ARHGEF10: variants seen among roughly 807,000 people sequenced by gnomAD.
ARHGEF10 encodes Rho guanine nucleotide exchange factor (GEF) 10.
In ARHGEF10, 140 loss-of-function variants were observed where a neutral mutation model predicts 147.4. The ratio of observed to expected loss-of-function variants is 0.95; its 90% CI spans 0.83 to 1.09. ARHGEF10 has a LOEUF of 1.09. Among genes scored for constraint, ARHGEF10 ranks in the 50% least tolerant of loss-of-function variants. ARHGEF10 has a pLI of 0.00. For missense variants in ARHGEF10, 2,222 were observed against 1,752.7 expected, an observed-to-expected ratio of 1.27 and a Z score of -4.78; for synonymous variants, 902 against 695.8, an observed-to-expected ratio of 1.30 and a Z score of -4.67.
chr8:1,866,399 AG>A, intron 5 of ARHGEF10, 126 bp from the exon 6 acceptor site: 1 of 813,318 alleles, frequency 1.2e-6, no homozygotes, highest in Non-Finnish European at 2.1e-6. Context: ...TTTCCTGTAT[AG>A]TAACATATAT....
chr8:1,912,930 G>A (rs999239617), intron 18 of ARHGEF10, among the ~76,000 whole-genome samples: 1 of 152,332 alleles, frequency 6.6e-6, no homozygotes, highest in Non-Finnish European at 1.5e-5. Context: ...CAGCGTCTTT[G>A]TTGGTGCACT....
intron 5 of ARHGEF10, 110 bp downstream of exon 5, chr8:1,864,546 C>A: frequency 2.6e-6 from 3 of 1,165,376 alleles, no homozygotes; most frequent in Admixed American, 1.7e-5. Context: ...CTCTGCGCGG[C>A]GGGAGCTGTC....
intron 2 of ARHGEF10, among the ~76,000 whole-genome samples, chr8:1,844,418 G>C (rs1585241133): frequency 6.6e-6 from 1 of 152,038 alleles, no homozygotes. Context: ...GGAGAATCCA[G>C]GGGTCACCGG....
At chr8:1,946,211 C>T (rs1424001482) in intron 27 of ARHGEF10, among the ~76,000 whole-genome samples, 1 of 152,202 alleles carries the variant, frequency 6.6e-6, no homozygotes, top group Non-Finnish European at 1.5e-5. Context: ...GCCCAACCGG[C>T]TTCTTTCACG....
chr8:1,934,945 A>G (rs1813453230), intron 26 of ARHGEF10, among the ~76,000 whole-genome samples: 1 of 152,246 alleles, frequency 6.6e-6, no homozygotes, highest in Non-Finnish European at 1.5e-5. Flanking sequence ...TTCTTAAAAT[A>G]CAAAGATTTC....
chr8:1,953,899 G>A (rs542534656), intron 28 of ARHGEF10, among the ~76,000 whole-genome samples: 2 of 152,268 alleles, frequency 1.3e-5, no homozygotes, highest in South Asian at 4.2e-4. Flanking sequence ...TGTTCCTACG[G>A]GCTCCATTTC....
At chr8:1,868,030 T>C (rs1032864809) in intron 6 of ARHGEF10, among the ~76,000 whole-genome samples, 1 of 152,254 alleles carries the variant, frequency 6.6e-6, no homozygotes, top group African/African-American at 2.4e-5. Context: ...TTCTCATTAC[T>C]CATTTTTATT....
chr8:1,925,540 A>C, intron 22 of ARHGEF10, 136 bp downstream of exon 22: 3 of 1,224,244 alleles, frequency 2.5e-6, no homozygotes, highest in Non-Finnish European at 3.4e-6. Context: ...GCTTCTCTAG[A>C]GGTCATTTAT....
chr8:1,867,755 T>C (rs747017925), intron 6 of ARHGEF10, among the ~76,000 whole-genome samples: 1 of 152,246 alleles, frequency 6.6e-6, no homozygotes, highest in Non-Finnish European at 1.5e-5. Flanking sequence ...ATGCCTCTCA[T>C]TATCCACTGG....
rs139099916 is a variant in ARHGEF10 at position 1,827,288 on chromosome 8, T to G, written c.-48+3175T>G. 3.2e-4 allele frequency among the ~76,000 whole-genome samples: 48 copies of G among 152,352 alleles called. No individual in the cohort carries two copies. In the Middle Eastern group the frequency reaches 0.01, roughly 32 times the overall value. On this transcript the variant is annotated intron_variant, in intron 1 of 28. Coordinates refer to ENST00000349830, the MANE Select transcript of ARHGEF10 (RefSeq NM_014629.4). ...GTTCTGTTTGTTTGTTTTCTGTGAG[T>G]AGTTTTCCAAATTTTGATAAAAAAG...
At chr8:1,950,733 T>G (rs1213228845) in intron 27 of ARHGEF10, among the ~76,000 whole-genome samples, 23 of 4,966 alleles carry the variant, frequency 4.6e-3, no homozygotes, top group African/African-American at 9.5e-3. Context: ...TTTTTAGGTT[T>G]TTTTTTTTTT....
intron 11 of ARHGEF10, among the ~76,000 whole-genome samples, chr8:1,887,442 G>T (rs36058931): frequency 1.4e-5 from 2 of 147,204 alleles, no homozygotes; most frequent in African/African-American, 2.7e-5. Flanking sequence ...GGGTCTGTGA[G>T]GAGATACTGA....
chr8:1,865,589 C>T (rs538308930), intron 5 of ARHGEF10, among the ~76,000 whole-genome samples: 59 of 152,362 alleles, frequency 3.9e-4, no homozygotes, highest in African/African-American at 1.3e-3. Flanking sequence ...CATCCCGCAG[C>T]ACCCACAGGG....
chr8:1,832,363 GACA>G (rs1803174469), intron 1 of ARHGEF10, among the ~76,000 whole-genome samples: 1 of 128,414 alleles, frequency 7.8e-6, no homozygotes. Flanking sequence ...GACAGGCAGA[GACA>G]GAGACAGAGA....
At chr8:1,867,764 G>C (rs1806748042) in intron 6 of ARHGEF10, among the ~76,000 whole-genome samples, 1 of 152,136 alleles carries the variant, frequency 6.6e-6, no homozygotes, top group African/African-American at 2.4e-5. Flanking sequence ...ATTATCCACT[G>C]GCTCACTAAT....
intron 26 of ARHGEF10, among the ~76,000 whole-genome samples, chr8:1,944,692 A>G (rs879853358): frequency 5.9e-5 from 9 of 152,224 alleles, no homozygotes; most frequent in Non-Finnish European, 1.2e-4. Context: ...TTTAATTTCA[A>G]GAGCTGTGAG....
At chr8:1,939,836 G>A (rs1053824914) in intron 26 of ARHGEF10, among the ~76,000 whole-genome samples, 6 of 152,216 alleles carry the variant, frequency 3.9e-5, no homozygotes, top group African/African-American at 1.4e-4. Flanking sequence ...CATGGGCAGT[G>A]CAGGCATCCC....
chr8:1,882,071 C>T (rs1326849849), intron 9 of ARHGEF10, among the ~76,000 whole-genome samples: 1 of 152,202 alleles, frequency 6.6e-6, no homozygotes, highest in East Asian at 1.9e-4. Flanking sequence ...CCGAGTCTGA[C>T]ATCCGCAGCG....
chr8:1,913,563 G>C (rs1046855865), intron 18 of ARHGEF10, among the ~76,000 whole-genome samples: 1 of 152,226 alleles, frequency 6.6e-6, no homozygotes, highest in South Asian at 2.1e-4. Flanking sequence ...ATTGGCCTCT[G>C]ATGTTTCTGG....
Sources: allele counts gnomAD v4.1 joint callset (sites outside exome capture counted in the v4.1 genomes callset), GRCh38; gene constraint gnomAD v4.1.1; transcripts MANE v1.5; gene names NCBI Gene and HGNC (gene_info 2026-07-23, HGNC 2026-07-21).